The following PRKN variants were observed in gnomAD, a reference collection of about 807,000 sequenced individuals.
The protein encoded by PRKN is E3 ubiquitin-protein ligase parkin.
In PRKN, 56 loss-of-function variants were observed where a neutral mutation model predicts 59.5. The ratio of observed to expected loss-of-function variants is 0.94; its 90% CI spans 0.76 to 1.18. PRKN has a LOEUF of 1.18. Ranked by LOEUF, PRKN falls within the 50% of genes most tolerant of loss-of-function variation. The pLI is 0.00. For missense variants in PRKN, 657 were observed against 596.4 expected (o/e 1.10, Z -1.06); for synonymous variants, 250 against 222.1 (o/e 1.13, Z -1.12).
chr6:162,650,091 G>A (rs190199368), intron 1 of PRKN, among the ~76,000 whole-genome samples: 3 of 152,208 alleles, frequency 2.0e-5, no homozygotes, highest in African/African-American at 7.2e-5. Flanking sequence ...GTGACTTTAG[G>A]TTTACCTTTA....
At chr6:161,808,114 A>T (rs945562401) in intron 6 of PRKN, among the ~76,000 whole-genome samples, 9 of 152,228 alleles carry the variant, frequency 5.9e-5, no homozygotes, top group African/African-American at 2.2e-4. Flanking sequence ...TGCATAGCTC[A>T]GGCAGGACTA....
At chr6:162,490,598 G>A (rs756733163) in intron 1 of PRKN, among the ~76,000 whole-genome samples, 10 of 151,994 alleles carry the variant, frequency 6.6e-5, no homozygotes, top group Admixed American at 1.3e-4. Context: ...AAAACAAAAC[G>A]AATTTCATGC....
chr6:162,002,579 C>G (rs575109949), intron 5 of PRKN, among the ~76,000 whole-genome samples: 1 of 54,236 alleles, frequency 1.8e-5, no homozygotes, highest in East Asian at 4.5e-4. Context: ...TTTCAAATAA[C>G]CATTTTTTTT....
intron 1 of PRKN, among the ~76,000 whole-genome samples, chr6:162,515,135 T>G (rs1272870792): frequency 6.6e-6 from 1 of 150,572 alleles, no homozygotes; most frequent in Non-Finnish European, 1.5e-5. Context: ...CAGACTGGAG[T>G]GCAATGGTGT....
At chr6:162,153,321 A>G (rs2849562) in intron 4 of PRKN, among the ~76,000 whole-genome samples, 151,130 of 152,268 alleles carry the variant, frequency 0.99, 75,048 homozygotes, top group Middle Eastern at 1. Context: ...AGTGAGTGCA[A>G]GAAATGGTCA....
At chr6:161,433,048 G>T (rs949673678) in intron 9 of PRKN, among the ~76,000 whole-genome samples, 1 of 152,044 alleles carries the variant, frequency 6.6e-6, no homozygotes, top group Admixed American at 6.6e-5. Context: ...CTAATTCTTT[G>T]TTCCTGAAGA....
chr6:161,453,008 T>C (rs1023293048), intron 9 of PRKN, among the ~76,000 whole-genome samples: 6 of 152,194 alleles, frequency 3.9e-5, no homozygotes, highest in African/African-American at 1.2e-4. Flanking sequence ...AATTCTGTAT[T>C]GTCAAAGTCT....
intron 2 of PRKN, among the ~76,000 whole-genome samples, chr6:162,388,926 A>C (rs1017819540): frequency 2.6e-5 from 4 of 151,160 alleles, no homozygotes; most frequent in African/African-American, 9.7e-5. Flanking sequence ...TCCCTAAAAG[A>C]AAGTCACAGA....
chr6:162,365,470 C>A (rs1337705491), intron 2 of PRKN, among the ~76,000 whole-genome samples: 2 of 152,124 alleles, frequency 1.3e-5, no homozygotes, highest in Admixed American at 6.6e-5. Context: ...ACATCAACTT[C>A]AAGCTTTTTA....
At chr6:162,318,135 T>C (rs1782827791) in intron 2 of PRKN, among the ~76,000 whole-genome samples, 1 of 152,048 alleles carries the variant, frequency 6.6e-6, no homozygotes, top group African/African-American at 2.4e-5. Context: ...GGAATTTGAC[T>C]ACTTGAGTAT....
rs1790523740 is a variant in PRKN, at chr6:161,467,224, C to A, written c.1084-80347G>T. Reference sequence around the variant, plus strand: ...TGAGAGAGACTTCTTCCATCTACACCCTTCTGTCTTAAGTATAATTCACTC... The same window carrying A: ...TGAGAGAGACTTCTTCCATCTACACACTTCTGTCTTAAGTATAATTCACTC... On this transcript the variant is annotated intron_variant, in intron 9 of 11. Transcript: ENST00000366898. The surrounding 1 kb of genome is among the most constrained non-coding windows in gnomAD (Gnocchi z 4.3). Among the ~76,000 whole-genome samples, 1 of 152,158 alleles carries A rather than the reference C, an allele frequency of 6.6e-6. No individual in the cohort carries two copies. Among genetic ancestry groups the A allele is most frequent in the African/African-American group, 2.4e-5 (1 of 41,426 alleles).
At chr6:161,788,607 TG>T (rs1790517710) in intron 6 of PRKN, among the ~76,000 whole-genome samples, 1 of 148,966 alleles carries the variant, frequency 6.7e-6, no homozygotes, top group African/African-American at 2.6e-5. Flanking sequence ...TAGGAGAAAT[TG>T]GCACCAGGTA....
chr6:162,045,961 C>A (rs967753798), intron 5 of PRKN, among the ~76,000 whole-genome samples: 3 of 152,168 alleles, frequency 2.0e-5, no homozygotes, highest in African/African-American at 4.8e-5. Context: ...AAGCTTACAG[C>A]GGTATTTAAT....
rs899085343 is a variant in PRKN at position 161,447,800 on chromosome 6, T to C, written c.1084-60923A>G. On this transcript the variant is annotated intron_variant, in intron 9 of 11. Transcript: ENST00000366898. This position sits in a 1 kb window ranked among gnomAD's most constrained non-coding sequence, Gnocchi z 4.1. The stretch of plus-strand genomic sequence containing the variant: ...GAGCCACCGTGGCTGGCCTCCTTTT[T>C]CTTTTAAACACATACATACATATAT... 8.5e-5 allele frequency among the ~76,000 whole-genome samples: 13 copies of C among 152,162 alleles called. No homozygotes were observed. Among genetic ancestry groups the C allele is most frequent in the Non-Finnish European group, 1.5e-5 (1 of 68,024 alleles).
chr6:162,638,861 C>T (rs1777854503), intron 1 of PRKN, among the ~76,000 whole-genome samples: 2 of 151,400 alleles, frequency 1.3e-5, no homozygotes, highest in African/African-American at 4.9e-5. Context: ...TCTCCTGCCT[C>T]GGCCTCCCAA....
At chr6:162,632,886 A>T (rs1208886126) in intron 1 of PRKN, among the ~76,000 whole-genome samples, 3 of 152,128 alleles carry the variant, frequency 2.0e-5, no homozygotes, top group Non-Finnish European at 2.9e-5. Context: ...CATTACAAGT[A>T]TATTTTATAA....
chr6:162,486,266 A>G (rs896624954), intron 1 of PRKN, among the ~76,000 whole-genome samples: 1 of 152,222 alleles, frequency 6.6e-6, no homozygotes, highest in Non-Finnish European at 1.5e-5. Flanking sequence ...TATATGATGC[A>G]CATATCAATC....
chr6:162,433,972 ATAAT>A (rs556827706), intron 2 of PRKN, among the ~76,000 whole-genome samples: 19 of 152,302 alleles, frequency 1.2e-4, no homozygotes, highest in South Asian at 1.2e-3. Context: ...GTTCTGTGCC[ATAAT>A]TAGTCTACAT....
chr6:162,419,250 C>A (rs1248174864), intron 2 of PRKN, among the ~76,000 whole-genome samples: 1 of 152,044 alleles, frequency 6.6e-6, no homozygotes, highest in East Asian at 1.9e-4. Flanking sequence ...TTCTGATTTC[C>A]CATCCAGGGA....
Sources: allele counts gnomAD v4.1 joint callset (sites outside exome capture counted in the v4.1 genomes callset), GRCh38; gene constraint gnomAD v4.1.1; non-coding constraint Gnocchi (gnomAD v3.1); transcripts MANE v1.5; gene names NCBI Gene and HGNC (gene_info 2026-07-23, HGNC 2026-07-21).